Variants in ST6GALNAC3 observed in about 807,000 individuals in gnomAD.
The protein encoded by ST6GALNAC3 is alpha-N-acetylgalactosaminide alpha-2,6-sialyltransferase 3.
A neutral mutation model predicts 32.7 loss-of-function variants in ST6GALNAC3; 25 were observed. The ratio of observed to expected loss-of-function variants is 0.76; its 90% CI spans 0.56 to 1.07. The LOEUF is 1.07. Ranked by LOEUF, ST6GALNAC3 falls within the 50% of genes least tolerant of loss-of-function variation. ST6GALNAC3 has a pLI of 0.00. For synonymous variants in ST6GALNAC3, 129 were observed against 133.1 expected (o/e 0.97, Z 0.21); for missense variants, 355 against 382.4 (o/e 0.93, Z 0.60).
chr1:76,219,882 C>T (rs530614213), intron 1 of ST6GALNAC3, among the ~76,000 whole-genome samples: 1 of 152,196 alleles, frequency 6.6e-6, no homozygotes, highest in South Asian at 2.1e-4. Context: ...CCGAGGGGAG[C>T]GGTTCTGGAT....
intron 1 of ST6GALNAC3, among the ~76,000 whole-genome samples, chr1:76,177,286 T>C (rs1433935929): frequency 6.6e-6 from 1 of 152,174 alleles, no homozygotes; most frequent in African/African-American, 2.4e-5. Flanking sequence ...CCAGGTCTCA[T>C]TTTCTAGGAC....
At chr1:76,251,250 T>G (rs1657597904) in intron 1 of ST6GALNAC3, among the ~76,000 whole-genome samples, 1 of 152,212 alleles carries the variant, frequency 6.6e-6, no homozygotes, top group African/African-American at 2.4e-5. Context: ...CTCCTTCGTG[T>G]AAACTTTCTC....
At chr1:76,360,598 G>A (rs905160081) in intron 2 of ST6GALNAC3, among the ~76,000 whole-genome samples, 4 of 152,038 alleles carry the variant, frequency 2.6e-5, no homozygotes, top group East Asian at 1.9e-4. Flanking sequence ...AAAATACAAC[G>A]TGTTGAGATA....
chr1:76,454,341 T>G (rs1490888358), intron 3 of ST6GALNAC3, among the ~76,000 whole-genome samples: 1 of 151,994 alleles, frequency 6.6e-6, no homozygotes, highest in Non-Finnish European at 1.5e-5. Flanking sequence ...GTCTGAAAAT[T>G]TGGTGTTTTT....
At chr1:76,593,518 A>C (rs76594319) in intron 3 of ST6GALNAC3, among the ~76,000 whole-genome samples, 1 of 152,318 alleles carries the variant, frequency 6.6e-6, no homozygotes, top group African/African-American at 2.4e-5. Flanking sequence ...ACAGGGCAGA[A>C]TTTTGAGAAA....
intron 1 of ST6GALNAC3, among the ~76,000 whole-genome samples, chr1:76,103,995 G>A (rs2100782689): frequency 6.6e-6 from 1 of 151,948 alleles, no homozygotes; most frequent in East Asian, 1.9e-4. Flanking sequence ...TCTTTTTTGG[G>A]GCCACCTTTT....
intron 3 of ST6GALNAC3, among the ~76,000 whole-genome samples, chr1:76,447,643 C>T (rs1657076107): frequency 6.6e-6 from 1 of 152,114 alleles, no homozygotes; most frequent in South Asian, 2.1e-4. Context: ...CCCCGTGTAG[C>T]CTAGGGACAT....
chr1:76,463,170 T>C (rs1658396719), intron 3 of ST6GALNAC3, among the ~76,000 whole-genome samples: 2 of 152,222 alleles, frequency 1.3e-5, no homozygotes, highest in Non-Finnish European at 2.9e-5. Context: ...ATTTTAATAG[T>C]GGGAGCTTAA....
chr1:76,218,324 G>A (rs1304616683), intron 1 of ST6GALNAC3, among the ~76,000 whole-genome samples: 1 of 152,202 alleles, frequency 6.6e-6, no homozygotes, highest in Non-Finnish European at 1.5e-5. Flanking sequence ...CCTTTCCAGA[G>A]GAGGCAGCCT....
intron 3 of ST6GALNAC3, among the ~76,000 whole-genome samples, chr1:76,499,567 T>C (rs1444006748): frequency 1.3e-5 from 2 of 152,172 alleles, no homozygotes; most frequent in African/African-American, 4.8e-5. Context: ...GCCTGTTTTG[T>C]TCTTTGGACC....
chr1:76,316,161 C>A (rs1320059347), intron 2 of ST6GALNAC3, among the ~76,000 whole-genome samples: 1 of 152,120 alleles, frequency 6.6e-6, no homozygotes, highest in African/African-American at 2.4e-5. Flanking sequence ...ACAACAGATA[C>A]TATTGTATAC....
At chr1:76,561,162 T>A (rs1665219082) in intron 3 of ST6GALNAC3, among the ~76,000 whole-genome samples, 1 of 152,088 alleles carries the variant, frequency 6.6e-6, no homozygotes. Flanking sequence ...GGAATAGAAT[T>A]CATGGAGATA....
chr1:76,385,615 G>A lies in ST6GALNAC3; in HGVS notation c.214-26393G>A, dbSNP rs181917269. Among the ~76,000 whole-genome samples the A allele has an allele frequency of 3.4e-3, 519 of 152,240 alleles. 1 individual carries two copies. The highest frequency in any genetic ancestry group is 5.2e-3 in the Non-Finnish European group (354 of 67,988). On this transcript the variant is annotated intron_variant, in intron 2 of 4. Transcript: ENST00000328299. ...AAGTAAGCACTCCGTAAATATGTGTGATTGCTACTATAATTACCTTGGAGG... is the reference window on the plus strand; with the variant it reads ...AAGTAAGCACTCCGTAAATATGTGTAATTGCTACTATAATTACCTTGGAGG...
At chr1:76,130,319 A>C (rs1260685712) in intron 1 of ST6GALNAC3, among the ~76,000 whole-genome samples, 1 of 152,212 alleles carries the variant, frequency 6.6e-6, no homozygotes, top group African/African-American at 2.4e-5. Flanking sequence ...CTTGTACACC[A>C]TTACCACCAC....
intron 3 of ST6GALNAC3, among the ~76,000 whole-genome samples, chr1:76,533,067 T>C (rs576426980): frequency 2.8e-4 from 43 of 152,262 alleles, no homozygotes; most frequent in African/African-American, 1.0e-3. Context: ...GCTGCCAGAA[T>C]GTGCTGTGTA....
intron 2 of ST6GALNAC3, among the ~76,000 whole-genome samples, chr1:76,377,282 A>G (rs1168897284): frequency 6.6e-6 from 1 of 152,220 alleles, no homozygotes; most frequent in Non-Finnish European, 1.5e-5. Flanking sequence ...GTTATTGAGT[A>G]TGTAAGTTTG....
At chr1:76,078,292 A>G (rs189263267) in intron 1 of ST6GALNAC3, among the ~76,000 whole-genome samples, 1 of 152,324 alleles carries the variant, frequency 6.6e-6, no homozygotes, top group Non-Finnish European at 1.5e-5. Flanking sequence ...TGCCTACACA[A>G]TAGTGACCCT....
At chr1:76,565,945 T>G (rs1460683346) in intron 3 of ST6GALNAC3, among the ~76,000 whole-genome samples, 1 of 152,252 alleles carries the variant, frequency 6.6e-6, no homozygotes, top group Admixed American at 6.5e-5. Flanking sequence ...TTTTTTATTG[T>G]GAGCAGTGTT....
At chr1:76,612,594 C>G (rs550450330) in intron 3 of ST6GALNAC3, among the ~76,000 whole-genome samples, 1 of 152,074 alleles carries the variant, frequency 6.6e-6, no homozygotes, top group East Asian at 1.9e-4. Context: ...GAACAACAAG[C>G]AGAAGGAAAC....
Sources: gnomAD v4.1 joint callset for allele counts (sites outside exome capture counted in the v4.1 genomes callset) on GRCh38, gnomAD v4.1.1 for gene constraint, MANE v1.5 for transcripts, NCBI Gene and HGNC (gene_info 2026-07-23, HGNC 2026-07-21) for gene names.